The following MAGI3 variants were observed in gnomAD, a reference collection of about 807,000 sequenced individuals.
The protein encoded by MAGI3 is membrane associated guanylate kinase, WW and PDZ domain containing 3, also known as membrane-associated guanylate kinase, WW and PDZ domain-containing protein 3.
In MAGI3, 43 loss-of-function variants were observed where a neutral mutation model predicts 121.8. The ratio of observed to expected loss-of-function variants is 0.35; its 90% CI spans 0.28 to 0.46. The LOEUF (loss-of-function observed/expected upper bound fraction) is 0.46. MAGI3 is among the 20% of genes least tolerant of loss of function. MAGI3 has a pLI of 1.00. For missense variants in MAGI3, 1,547 were observed against 1,797.3 expected (o/e 0.86, Z 2.52); for synonymous variants, 553 against 639.3 (o/e 0.86, Z 2.04).
chr1:113,620,077 A>G (rs1462964575), intron 8 of MAGI3, among the ~76,000 whole-genome samples: 1 of 152,132 alleles, frequency 6.6e-6, no homozygotes, highest in Non-Finnish European at 1.5e-5. Flanking sequence ...TTTTTTATGA[A>G]TTTGAGATTT....
Position 113,436,733 on chromosome 1 carries a change from G to A in MAGI3, c.316+45384G>A, listed in dbSNP as rs1219878732. Among the ~76,000 whole-genome samples the A allele has an allele frequency of 2.0e-5, 3 of 150,938 alleles. No individual in the cohort carries two copies. The East Asian group carries it at 5.8e-4, about 29-fold the overall frequency. On this transcript the variant is annotated intron_variant, in intron 1 of 20. Transcript: ENST00000307546. Reference sequence around the variant, plus strand: ...CACTTTGGAGAATGGAATTGTAGCTGCACAACTTATATTAAAGTGAAGTTA... The same window carrying A: ...CACTTTGGAGAATGGAATTGTAGCTACACAACTTATATTAAAGTGAAGTTA...
intron 15 of MAGI3, among the ~76,000 whole-genome samples, chr1:113,654,361 A>G (rs2100988985): frequency 6.6e-6 from 1 of 152,338 alleles, no homozygotes; most frequent in Non-Finnish European, 1.5e-5. Context: ...GAAAATTAGG[A>G]TAAATCGTGT....
At chr1:113,608,711 G>A (rs1327782612) in intron 6 of MAGI3, among the ~76,000 whole-genome samples, 1 of 152,118 alleles carries the variant, frequency 6.6e-6, no homozygotes, top group Admixed American at 6.5e-5. Context: ...TCTTCCTTGG[G>A]GAAGAAAGTG....
At chr1:113,414,882 G>T (rs188950184) in intron 1 of MAGI3, among the ~76,000 whole-genome samples, 87 of 152,122 alleles carry the variant, frequency 5.7e-4, no homozygotes, top group African/African-American at 1.9e-3. Flanking sequence ...TTAAATAAAT[G>T]ATGCTTATGT....
chr1:113,586,557 A>G (rs956652564), intron 4 of MAGI3, among the ~76,000 whole-genome samples: 6 of 152,198 alleles, frequency 3.9e-5, no homozygotes, highest in African/African-American at 1.2e-4. Flanking sequence ...GATTACCCCA[A>G]TGTATTTAAA....
intron 1 of MAGI3, among the ~76,000 whole-genome samples, chr1:113,492,207 G>C (rs180767984): frequency 6.6e-6 from 1 of 152,178 alleles, no homozygotes; most frequent in Non-Finnish European, 1.5e-5. Context: ...TGCAAGGTTG[G>C]TGTAACATAT....
chr1:113,683,392 G>A lies in MAGI3; in HGVS notation c.3824G>A (p.Gly1275Glu), dbSNP rs767313521. 2 of 1,613,936 alleles carry A rather than the reference G, an allele frequency of 1.2e-6. No homozygotes were observed. Among genetic ancestry groups the A allele is most frequent in the Non-Finnish European group, 8.5e-7 (1 of 1,179,886 alleles). Residue 1275 changes from glycine (G) to glutamate (E), a missense_variant, in exon 21 of 21, where the codon GGA (glycine) becomes GAA (glutamate). By Grantham distance (98) the Gly-to-Glu change is moderately conservative. Coordinates refer to ENST00000307546, the MANE Select transcript of MAGI3 (RefSeq NM_001142782.2). The stretch of plus-strand genomic sequence containing the variant: ...CAGGTCAGCACCAGGGCAGGCTCTG[G>A]ACAAGATCAGTGCAGAAAAAGCAGA... Reference protein sequence around the residue: ...SCQVSTRAGSGQDQCRKSRGR... With the variant: ...SCQVSTRAGSEQDQCRKSRGR...
chr1:113,617,595 C>A (rs1297604077), intron 7 of MAGI3, among the ~76,000 whole-genome samples: 3 of 152,150 alleles, frequency 2.0e-5, no homozygotes, highest in Non-Finnish European at 4.4e-5. Flanking sequence ...TCTCCTCTCC[C>A]ACACATTACA....
intron 19 of MAGI3, among the ~76,000 whole-genome samples, chr1:113,679,124 G>A (rs1648050950): frequency 6.6e-6 from 1 of 151,830 alleles, no homozygotes; most frequent in South Asian, 2.1e-4. Context: ...TAAGTTCAGT[G>A]CGGCACATGT....
chr1:113,574,636 A>G (rs190478324), intron 2 of MAGI3, among the ~76,000 whole-genome samples: 4 of 152,110 alleles, frequency 2.6e-5, no homozygotes, highest in South Asian at 2.1e-4. Context: ...CTTCATTTCA[A>G]CCTTAGAGAA....
intron 1 of MAGI3, among the ~76,000 whole-genome samples, chr1:113,414,466 T>C (rs1165732555): frequency 6.6e-6 from 1 of 152,184 alleles, no homozygotes; most frequent in African/African-American, 2.4e-5. Flanking sequence ...TAGCTCCTCT[T>C]TGTACCTCTG....
chr1:113,561,542 G>T (rs1660234505), intron 2 of MAGI3, among the ~76,000 whole-genome samples: 1 of 152,256 alleles, frequency 6.6e-6, no homozygotes, highest in South Asian at 2.1e-4. Flanking sequence ...ATGCAGAAAA[G>T]GCCTTTGATA....
In MAGI3 at chr1:113,422,620, G is replaced by A. The variant is rs1018716465; in HGVS notation, c.316+31271G>A. 1.3e-5 allele frequency among the ~76,000 whole-genome samples: 2 copies of A among 152,354 alleles called. No individual in the cohort carries two copies. Among genetic ancestry groups the A allele is most frequent in the African/African-American group, 4.8e-5 (2 of 41,588 alleles). ...CGGCGCTGGCACAGGCGCCTGCTCC[G>A]TGCAAGGGTGCATCTATACCAGACA... On this transcript the variant is annotated intron_variant, in intron 1 of 20. Transcript: ENST00000307546. The surrounding 1 kb of genome is among the most constrained non-coding windows in gnomAD (Gnocchi z 4.3).
intron 1 of MAGI3, among the ~76,000 whole-genome samples, chr1:113,426,393 A>G (rs957678284): frequency 6.6e-6 from 1 of 152,072 alleles, no homozygotes; most frequent in Non-Finnish European, 1.5e-5. Context: ...GGGGTGTTCT[A>G]TTTATGTCAA....
At chr1:113,681,388 C>G (rs1214366758) in intron 20 of MAGI3, 52 bp downstream of exon 20, 1 of 1,564,666 alleles carries the variant, frequency 6.4e-7, no homozygotes, top group Non-Finnish European at 8.7e-7. Flanking sequence ...AGGGAGGGGA[C>G]AGAAGAAAAA....
At chr1:113,605,346 A>G (rs1358105076) in intron 6 of MAGI3, among the ~76,000 whole-genome samples, 2 of 152,182 alleles carry the variant, frequency 1.3e-5, no homozygotes, top group Non-Finnish European at 1.5e-5. Context: ...ACTCAATAAT[A>G]TGGATGAGTC....
chr1:113,600,147 T>G (rs1649275624), intron 6 of MAGI3, among the ~76,000 whole-genome samples: 1 of 152,160 alleles, frequency 6.6e-6, no homozygotes, highest in African/African-American at 2.4e-5. Context: ...AAGCATTCCC[T>G]TTGAAAACTG....
intron 1 of MAGI3, among the ~76,000 whole-genome samples, chr1:113,519,481 T>C (rs750812677): frequency 6.6e-6 from 1 of 152,202 alleles, no homozygotes; most frequent in Admixed American, 6.6e-5. Flanking sequence ...GAGACTATTA[T>C]CTGATATGGC....
intron 1 of MAGI3, among the ~76,000 whole-genome samples, chr1:113,481,357 G>A (rs1278315838): frequency 6.6e-6 from 1 of 152,060 alleles, no homozygotes; most frequent in Non-Finnish European, 1.5e-5. Flanking sequence ...GATTGTTCAG[G>A]TAAAGGTTTT....
Sources: allele counts gnomAD v4.1 joint callset (sites outside exome capture counted in the v4.1 genomes callset), GRCh38; gene constraint gnomAD v4.1.1; non-coding constraint Gnocchi (gnomAD v3.1); transcripts MANE v1.5; gene names NCBI Gene and HGNC (gene_info 2026-07-23, HGNC 2026-07-21).